The following NOX4 variants were observed in gnomAD, a reference collection of about 807,000 sequenced individuals.
NOX4 encodes kidney oxidase-1.
In NOX4, 69 loss-of-function variants were observed where a neutral mutation model predicts 87.6. That is an observed-to-expected ratio of 0.79 (90% CI 0.65 to 0.96). NOX4 has a LOEUF of 0.96. Among genes scored for constraint, NOX4 ranks in the 40% least tolerant of loss-of-function variants. NOX4 has a pLI of 0.00. For synonymous variants in NOX4, 275 were observed against 238.2 expected (o/e 1.15, Z -1.42); for missense variants, 680 against 681.5 (o/e 1.00, Z 0.02).
intron 13 of NOX4, among the ~76,000 whole-genome samples, chr11:89,349,361 C>T (rs1946355383): frequency 6.6e-6 from 1 of 151,948 alleles, no homozygotes; most frequent in Admixed American, 6.6e-5. Flanking sequence ...AAGTACATTA[C>T]AGACATGCAG....
chr11:89,445,474 T>C (rs1317960908), intron 4 of NOX4, among the ~76,000 whole-genome samples: 1 of 152,026 alleles, frequency 6.6e-6, no homozygotes, highest in Non-Finnish European at 1.5e-5. Flanking sequence ...GGACTTACTA[T>C]GAAGTTACAG....
chr11:89,365,415 C>A (rs1328118937), intron 12 of NOX4, among the ~76,000 whole-genome samples: 3 of 150,632 alleles, frequency 2.0e-5, no homozygotes, highest in Non-Finnish European at 4.4e-5. Context: ...GCGTTTATTG[C>A]CACAGAGGCT....
intron 12 of NOX4, among the ~76,000 whole-genome samples, chr11:89,362,173 G>GACACACACACACACACAC (rs148208109): frequency 6.8e-6 from 1 of 146,920 alleles, no homozygotes; most frequent in African/African-American, 2.5e-5. Context: ...CACAGACACA[G>GACACACACACACACACAC]ACACACACAC....
the NOX4 span, among the ~76,000 whole-genome samples, chr11:89,543,497 A>T: frequency 1.3e-5 from 2 of 152,254 alleles, no homozygotes; most frequent in South Asian, 4.1e-4. Flanking sequence ...AGAAAAATGT[A>T]AGTATTCTCT....
intron 11 of NOX4, among the ~76,000 whole-genome samples, chr11:89,387,831 G>C: frequency 6.6e-6 from 1 of 152,222 alleles, no homozygotes; most frequent in Non-Finnish European, 1.5e-5. Context: ...CTTAATAAAG[G>C]ATTTGATTTG....
chr11:89,532,922 T>C, the NOX4 span, among the ~76,000 whole-genome samples: 7 of 152,168 alleles, frequency 4.6e-5, no homozygotes, highest in Non-Finnish European at 8.8e-5. Context: ...GTAAGATGCA[T>C]CTTGCTTCCC....
At chr11:89,384,026 C>A (rs1211903391) in intron 11 of NOX4, among the ~76,000 whole-genome samples, 1 of 152,118 alleles carries the variant, frequency 6.6e-6, no homozygotes, top group Non-Finnish European at 1.5e-5. Flanking sequence ...TCGCCTGTTA[C>A]AGCATGGCCT....
At chr11:89,560,986 CTCTCTCTCTCTA>C in the NOX4 span, among the ~76,000 whole-genome samples, 20 of 76,078 alleles carry the variant, frequency 2.6e-4, no homozygotes, top group African/African-American at 8.9e-4. Flanking sequence ...CTCTCTCTCT[CTCTCTCTCTCTA>C]TATATATATA....
At chr11:89,429,976 T>C (rs1194538275) in intron 7 of NOX4, among the ~76,000 whole-genome samples, 2 of 152,134 alleles carry the variant, frequency 1.3e-5, no homozygotes, top group Non-Finnish European at 2.9e-5. Context: ...GCAAACCGAA[T>C]CCAGCAGCAC....
the NOX4 span, among the ~76,000 whole-genome samples, chr11:89,588,464 G>T: frequency 6.6e-6 from 1 of 151,880 alleles, no homozygotes; most frequent in African/African-American, 2.4e-5. Context: ...TTCATTTTTA[G>T]TCTTAACAGG....
rs535383718 is a variant in NOX4 at position 89,358,594 on chromosome 11, T to G, written c.1136-3551A>C. ...TTATTTCTTTATAAAAATAGATAAATGATAACAATTATCCTTAGAAAAGTT... is the reference window on the plus strand; with the variant it reads ...TTATTTCTTTATAAAAATAGATAAAGGATAACAATTATCCTTAGAAAAGTT... On this transcript the variant is annotated intron_variant, in intron 12 of 17. Transcript: ENST00000263317. Among the ~76,000 whole-genome samples the G allele has an allele frequency of 3.3e-5, 5 of 151,704 alleles. No homozygotes were observed. In the East Asian group the frequency reaches 9.7e-4, roughly 29 times the overall value.
chr11:89,392,177 AAAGT>A (rs1239990609), intron 11 of NOX4, among the ~76,000 whole-genome samples: 4 of 152,160 alleles, frequency 2.6e-5, no homozygotes, highest in Admixed American at 6.5e-5. Context: ...CTTAAATGAA[AAAGT>A]AAGAAAAGAA....
rs1452872475 is a variant in NOX4 at position 89,324,898 on chromosome 11, A to G, written c.*1858T>C. 3 of 152,140 alleles carry G rather than the reference A, an allele frequency of 2.0e-5. No individual in the cohort carries two copies. The highest frequency in any genetic ancestry group is 7.2e-5 in the African/African-American group (3 of 41,438). The allele number at this position is 152,140 out of a possible 1,614,324, so 9.4% of individuals were successfully genotyped here. A position where few individuals can be genotyped will look rare whatever the true frequency, so the allele number is the denominator to read the frequency against. ...GAGAATTTCAAGGAAAGGAAGAAAT[A>G]TCTACAAGTAAATATCATTCAGTAT... On this transcript the variant is annotated 3_prime_UTR_variant, in exon 18 of 18. Coordinates refer to ENST00000263317, the MANE Select transcript of NOX4 (RefSeq NM_016931.5).
rs1939408481 is a variant in NOX4 at position 89,371,094 on chromosome 11, A to G, written c.1135+2338T>C. On this transcript the variant is annotated intron_variant, in intron 12 of 17. Coordinates refer to ENST00000263317, the MANE Select transcript of NOX4 (RefSeq NM_016931.5). ...ATACCGAGTTTTAATCAATTCTTTTAGAATAAAAACCAATGATTCTTGATT... is the reference window on the plus strand; with the variant it reads ...ATACCGAGTTTTAATCAATTCTTTTGGAATAAAAACCAATGATTCTTGATT... Among the ~76,000 whole-genome samples the G allele has an allele frequency of 4.6e-5, 7 of 152,146 alleles. No individual in the cohort carries two copies. In the South Asian group the frequency reaches 1.4e-3, roughly 31 times the overall value.
chr11:89,533,263 C>A, the NOX4 span, among the ~76,000 whole-genome samples: 1 of 152,012 alleles, frequency 6.6e-6, no homozygotes, highest in Non-Finnish European at 1.5e-5. Context: ...ACTTGAATTT[C>A]CTAAATTGGT....
intron 4 of NOX4, among the ~76,000 whole-genome samples, chr11:89,445,053 A>G (rs1419911750): frequency 1.3e-5 from 2 of 152,168 alleles, no homozygotes; most frequent in African/African-American, 4.8e-5. Context: ...AATTAACACC[A>G]CATTTTAATG....
Position 89,491,362 on chromosome 11 carries a change from G to A in NOX4, c.-116C>T, listed in dbSNP as rs976711599. 7 of 941,634 alleles carry A rather than the reference G, an allele frequency of 7.4e-6. No individual in the cohort carries two copies. In the African/African-American group the frequency reaches 1.0e-4, roughly 14 times the overall value. The allele number at this position is 941,634 out of a possible 1,614,324, so 58.3% of individuals were successfully genotyped here. On this transcript the variant is annotated 5_prime_UTR_variant, in exon 1 of 18. Transcript: ENST00000263317. ...CCGGGCCGCTGAGCGAGGACCGAGG[G>A]TCAAAGACTGAGTGGAAGCCCGAAG...
Position 89,423,341 on chromosome 11 carries a change from T to C in NOX4, c.549-1359A>G, listed in dbSNP as rs1003788884. 5.3e-5 allele frequency among the ~76,000 whole-genome samples: 8 copies of C among 152,222 alleles called. 1 individual carries two copies. The highest frequency in any genetic ancestry group is 1.4e-4 in the African/African-American group (6 of 41,464). Reference sequence around the variant, plus strand: ...ATATGTCTGTTACTTTTAATTCTTCTGTGACCTTTCTGTTTATAATCATTA... The same window carrying C: ...ATATGTCTGTTACTTTTAATTCTTCCGTGACCTTTCTGTTTATAATCATTA... On this transcript the variant is annotated intron_variant, in intron 7 of 17. Transcript: ENST00000263317.
At chr11:89,564,725 TTTGTTG>T in the NOX4 span, among the ~76,000 whole-genome samples, 3 of 149,964 alleles carry the variant, frequency 2.0e-5, no homozygotes, top group Non-Finnish European at 4.4e-5. Flanking sequence ...GGAGGAGTTT[TTTGTTG>T]TTGTTGTTGT....
Sources: allele counts gnomAD v4.1 joint callset (sites outside exome capture counted in the v4.1 genomes callset), GRCh38; gene constraint gnomAD v4.1.1; transcripts MANE v1.5; gene names NCBI Gene and HGNC (gene_info 2026-07-23, HGNC 2026-07-21).